LRP1B: variants seen among roughly 807,000 people sequenced by gnomAD.
The protein encoded by LRP1B is low-density lipoprotein receptor-related protein 1B.
In LRP1B, 217 loss-of-function variants were observed where a neutral mutation model predicts 556.6. The observed-to-expected ratio is 0.39, with a 90% CI of 0.35 to 0.44. The LOEUF (loss-of-function observed/expected upper bound fraction) is 0.44, where lower values mean the gene tolerates loss of function less well. Among genes scored for constraint, LRP1B ranks in the 20% least tolerant of loss-of-function variants. The pLI is 1.00. For synonymous variants in LRP1B, 2,047 were observed against 1,865.8 expected (o/e 1.10, Z -2.50); for missense variants, 5,053 against 5,620.8 (o/e 0.90, Z 3.23).
intron 84 of LRP1B, among the ~76,000 whole-genome samples, chr2:140,297,580 G>A (rs1038385535): frequency 3.3e-5 from 5 of 152,058 alleles, no homozygotes; most frequent in African/African-American, 7.2e-5. Context: ...GTGTACACAG[G>A]GAATGGTTAT....
rs532913828 is a variant in LRP1B, at chr2:140,297,985, A to G, written c.12806-16T>C. On this transcript the variant is annotated splice_polypyrimidine_tract_variant and intron_variant, in intron 83 of 90. Coordinates refer to ENST00000389484, the MANE Select transcript of LRP1B (RefSeq NM_018557.3). ...GTGGGTCTCCCTATTGGAAACAATA[A>G]GTAATAAAAAGCAAATTATTCAACC... The G allele has an allele frequency of 5.1e-6, 8 of 1,563,886 alleles. No individual in the cohort carries two copies. In the South Asian group the frequency reaches 9.3e-5, roughly 18 times the overall value.
At chr2:141,104,484 A>C (rs1322556975) in intron 7 of LRP1B, among the ~76,000 whole-genome samples, 1 of 152,090 alleles carries the variant, frequency 6.6e-6, no homozygotes, top group Non-Finnish European at 1.5e-5. Context: ...AAACAGCAAT[A>C]GTTTTAAAAA....
At chr2:140,620,127 A>T (rs1378032024) in intron 41 of LRP1B, among the ~76,000 whole-genome samples, 5 of 152,172 alleles carry the variant, frequency 3.3e-5, no homozygotes, top group South Asian at 4.1e-4. Context: ...TCAACATTTT[A>T]TTCAAAATAT....
intron 1 of LRP1B, among the ~76,000 whole-genome samples, chr2:141,971,160 A>T (rs1701721809): frequency 6.6e-6 from 1 of 151,526 alleles, no homozygotes; most frequent in African/African-American, 2.4e-5. Context: ...AAAATGCACC[A>T]TCTGTCCAAT....
At chr2:141,351,015 C>G (rs1276868881) in intron 3 of LRP1B, among the ~76,000 whole-genome samples, 1 of 152,042 alleles carries the variant, frequency 6.6e-6, no homozygotes, top group African/African-American at 2.4e-5. Context: ...TACATATCCA[C>G]TTTGGCAATA....
At chr2:141,397,048 G>A (rs1162228313) in intron 3 of LRP1B, among the ~76,000 whole-genome samples, 2 of 133,706 alleles carry the variant, frequency 1.5e-5, no homozygotes, top group South Asian at 2.5e-4. Flanking sequence ...GGGGGACAAA[G>A]GTTGTGGTGA....
intron 3 of LRP1B, among the ~76,000 whole-genome samples, chr2:141,480,186 T>A (rs1437631781): frequency 8.7e-6 from 1 of 115,596 alleles, no homozygotes; most frequent in Non-Finnish European, 1.9e-5. Flanking sequence ...TGTGTGTGTG[T>A]GTGTGTGTTG....
intron 3 of LRP1B, among the ~76,000 whole-genome samples, chr2:141,367,310 T>A (rs938605235): frequency 1.4e-4 from 21 of 152,062 alleles, no homozygotes; most frequent in Admixed American, 8.5e-4. Context: ...CTTTAAATCC[T>A]ATAATTTGTA....
At chr2:140,247,685 C>T (rs939657058) in intron 86 of LRP1B, among the ~76,000 whole-genome samples, 3 of 151,610 alleles carry the variant, frequency 2.0e-5, no homozygotes, top group Admixed American at 6.6e-5. Context: ...CATTTTAAAT[C>T]ATACTTCTAT....
chr2:140,917,801 A>G (rs1467870652), intron 21 of LRP1B, among the ~76,000 whole-genome samples: 1 of 151,754 alleles, frequency 6.6e-6, no homozygotes, highest in Non-Finnish European at 1.5e-5. Flanking sequence ...CCCATAGAAT[A>G]TACAACATCT....
chr2:141,265,158 C>T (rs969479015), intron 3 of LRP1B, among the ~76,000 whole-genome samples: 4 of 152,156 alleles, frequency 2.6e-5, no homozygotes, highest in Non-Finnish European at 4.4e-5. Flanking sequence ...CTCAAGAAGA[C>T]GCAGATGCTA....
intron 1 of LRP1B, among the ~76,000 whole-genome samples, chr2:142,005,184 G>A (rs1046596907): frequency 6.7e-6 from 1 of 149,554 alleles, no homozygotes; most frequent in Non-Finnish European, 1.5e-5. Flanking sequence ...TATATATTTG[G>A]TGCCTATATA....
chr2:140,978,578 G>T (rs1284549153), intron 18 of LRP1B, among the ~76,000 whole-genome samples: 1 of 152,224 alleles, frequency 6.6e-6, no homozygotes, highest in East Asian at 1.9e-4. Flanking sequence ...GTCAAATAGG[G>T]TGAGTGCTTT....
At chr2:141,456,546 C>A (rs561139715) in intron 3 of LRP1B, among the ~76,000 whole-genome samples, 22 of 152,274 alleles carry the variant, frequency 1.4e-4, no homozygotes, top group African/African-American at 5.3e-4. Flanking sequence ...ACACCTATTA[C>A]ATGGGCAAAT....
intron 1 of LRP1B, among the ~76,000 whole-genome samples, chr2:142,118,685 G>A (rs543289719): frequency 2.0e-5 from 3 of 152,130 alleles, no homozygotes; most frequent in East Asian, 1.9e-4. Context: ...ATCATACCTC[G>A]TATTCACATA....
chr2:140,583,676 A>G (rs1681871133), intron 43 of LRP1B, among the ~76,000 whole-genome samples: 1 of 152,058 alleles, frequency 6.6e-6, no homozygotes, highest in South Asian at 2.1e-4. Context: ...TACATTATTA[A>G]ATGTATTTTA....
intron 2 of LRP1B, among the ~76,000 whole-genome samples, chr2:141,733,718 C>G (rs556427547): frequency 6.6e-6 from 1 of 152,250 alleles, no homozygotes; most frequent in East Asian, 1.9e-4. Flanking sequence ...CTGCTTTTCA[C>G]AACTCCATGC....
chr2:141,932,376 T>C (rs899057769), intron 1 of LRP1B, among the ~76,000 whole-genome samples: 3 of 152,096 alleles, frequency 2.0e-5, no homozygotes, highest in African/African-American at 4.8e-5. Context: ...TAAAGCACTA[T>C]ATAATACAAC....
intron 31 of LRP1B, among the ~76,000 whole-genome samples, chr2:140,824,738 A>G (rs1414959350): frequency 6.6e-6 from 1 of 152,180 alleles, no homozygotes; most frequent in Non-Finnish European, 1.5e-5. Flanking sequence ...GAAATGCAAC[A>G]TGAATCCATA....
Sources: gnomAD v4.1 joint callset for allele counts (sites outside exome capture counted in the v4.1 genomes callset) on GRCh38, gnomAD v4.1.1 for gene constraint, MANE v1.5 for transcripts, NCBI Gene and HGNC (gene_info 2026-07-23, HGNC 2026-07-21) for gene names.